KHDRBS2: variants seen among roughly 807,000 people sequenced by gnomAD.
KHDRBS2 encodes the protein KH domain-containing, RNA-binding, signal transduction-associated protein 2.
A neutral mutation model predicts 44.3 loss-of-function variants in KHDRBS2; 26 were observed. The ratio of observed to expected loss-of-function variants is 0.59; its 90% CI spans 0.43 to 0.81. The LOEUF (loss-of-function observed/expected upper bound fraction) is 0.81, where lower values mean the gene tolerates loss of function less well. KHDRBS2 is among the 40% of genes least tolerant of loss of function. The probability of loss-of-function intolerance (pLI) is 0.00; values close to 1 mark genes in which losing one functional copy is unlikely to be tolerated. For missense variants in KHDRBS2, 476 were observed against 433.1 expected (o/e 1.10, Z -0.88); for synonymous variants, 194 against 151.1 (o/e 1.28, Z -2.08).
chr6:61,826,127 C>G (rs1374034050), intron 6 of KHDRBS2, among the ~76,000 whole-genome samples: 7 of 152,046 alleles, frequency 4.6e-5, no homozygotes, highest in East Asian at 3.9e-4. Flanking sequence ...GTCCTTGGAC[C>G]TGGTCTTCAT....
At chr6:61,840,898 T>G (rs1005057040) in intron 6 of KHDRBS2, among the ~76,000 whole-genome samples, 1 of 152,148 alleles carries the variant, frequency 6.6e-6, no homozygotes, top group African/African-American at 2.4e-5. Flanking sequence ...TAAATGGAAA[T>G]GGAGACATGC....
intron 6 of KHDRBS2, among the ~76,000 whole-genome samples, chr6:61,825,245 C>G (rs1209898730): frequency 6.6e-6 from 1 of 152,148 alleles, no homozygotes; most frequent in Non-Finnish European, 1.5e-5. Context: ...GAATTGTCAT[C>G]TGACAAAGTG....
intron 6 of KHDRBS2, among the ~76,000 whole-genome samples, chr6:61,811,914 T>A (rs1415406423): frequency 6.6e-6 from 1 of 152,110 alleles, no homozygotes; most frequent in African/African-American, 2.4e-5. Context: ...TGTGATTTAA[T>A]CAAAAGTTGT....
chr6:62,110,597 G>C (rs1349686309), intron 2 of KHDRBS2, among the ~76,000 whole-genome samples: 1 of 152,052 alleles, frequency 6.6e-6, no homozygotes, highest in Non-Finnish European at 1.5e-5. Flanking sequence ...CTCCTCCAGA[G>C]TCCTCTCTCC....
At chr6:61,777,718 A>G (rs1403432212) in intron 6 of KHDRBS2, among the ~76,000 whole-genome samples, 1 of 152,158 alleles carries the variant, frequency 6.6e-6, no homozygotes, top group Non-Finnish European at 1.5e-5. Flanking sequence ...AGTTTGGGAA[A>G]GAGCATAAAA....
chr6:61,591,348 T>C, the KHDRBS2 span, among the ~76,000 whole-genome samples: 2 of 152,154 alleles, frequency 1.3e-5, no homozygotes, highest in Admixed American at 6.5e-5. Context: ...GGAGAAGCTA[T>C]ATAGAATGTC....
At chr6:61,713,786 T>C (rs1427490791) in intron 7 of KHDRBS2, among the ~76,000 whole-genome samples, 6 of 151,536 alleles carry the variant, frequency 4.0e-5, no homozygotes, top group Admixed American at 6.6e-5. Flanking sequence ...CAATATAGAC[T>C]GGGGAAAGAA....
chr6:61,554,533 C>A, the KHDRBS2 span, among the ~76,000 whole-genome samples: 1 of 152,038 alleles, frequency 6.6e-6, no homozygotes, highest in Non-Finnish European at 1.5e-5. Flanking sequence ...TTGACATGTG[C>A]AAATTTCTTC....
At chr6:61,633,512 C>T in the KHDRBS2 span, among the ~76,000 whole-genome samples, 32 of 152,120 alleles carry the variant, frequency 2.1e-4, no homozygotes, top group African/African-American at 7.5e-4. Context: ...AATACAAAAT[C>T]TGCAATCTGG....
chr6:61,595,467 C>A, the KHDRBS2 span, among the ~76,000 whole-genome samples: 1 of 152,056 alleles, frequency 6.6e-6, no homozygotes, highest in Non-Finnish European at 1.5e-5. Flanking sequence ...CGCTGAGAAA[C>A]AAAACTATTT....
chr6:62,228,738 T>C (rs553925680), intron 1 of KHDRBS2, among the ~76,000 whole-genome samples: 2 of 152,160 alleles, frequency 1.3e-5, no homozygotes, highest in African/African-American at 4.8e-5. Flanking sequence ...TGTCTCTTTG[T>C]TCTCATTGGT....
At chr6:61,682,614 A>G (rs774584466) in intron 8 of KHDRBS2, among the ~76,000 whole-genome samples, 1 of 151,884 alleles carries the variant, frequency 6.6e-6, no homozygotes, top group Non-Finnish European at 1.5e-5. Flanking sequence ...AGTAACTGTG[A>G]TAGAGATTAT....
At chr6:62,083,318 C>A (rs752087592) in intron 2 of KHDRBS2, among the ~76,000 whole-genome samples, 1 of 152,104 alleles carries the variant, frequency 6.6e-6, no homozygotes, top group Non-Finnish European at 1.5e-5. Context: ...CAGGGGAAAA[C>A]CACCGTCCTA....
intron 2 of KHDRBS2, among the ~76,000 whole-genome samples, chr6:62,089,506 C>T (rs1324352418): frequency 6.6e-6 from 1 of 152,124 alleles, no homozygotes; most frequent in Non-Finnish European, 1.5e-5. Flanking sequence ...TTGCACTTTT[C>T]AGGTGAGGTG....
intron 1 of KHDRBS2, among the ~76,000 whole-genome samples, chr6:62,189,031 C>G (rs779363726): frequency 1.3e-5 from 2 of 152,040 alleles, no homozygotes; most frequent in Non-Finnish European, 2.9e-5. Context: ...AGGAGAATTG[C>G]TTGAACACGG....
the KHDRBS2 span, among the ~76,000 whole-genome samples, chr6:61,560,817 G>A: frequency 1.3e-5 from 2 of 152,240 alleles, no homozygotes; most frequent in East Asian, 1.9e-4. Flanking sequence ...TGTCTCTCAT[G>A]CTTTATTAAG....
rs1454018151 is a variant in KHDRBS2 at position 62,169,210 on chromosome 6, T to TATACATATACATATATGTATATATAC, written c.219+7974_219+7975insGTATATATACATATATGTATATGTAT. ...ATACGTATACATATATGTATATATA[T>TATACATATACATATATGTATATATAC]GTATATATACACACACACATATATA... On this transcript the variant is annotated intron_variant, in intron 2 of 8. Coordinates refer to ENST00000281156, the MANE Select transcript of KHDRBS2 (RefSeq NM_152688.4). Among the ~76,000 whole-genome samples, 146 of 145,664 alleles carry TATACATATACATATATGTATATATAC rather than the reference T, an allele frequency of 1.0e-3. 3 individuals are homozygous for TATACATATACATATATGTATATATAC. Among genetic ancestry groups the TATACATATACATATATGTATATATAC allele is most frequent in the Non-Finnish European group, 2.1e-4 (14 of 66,666 alleles).
chr6:61,896,713 A>C (rs1458896185), intron 5 of KHDRBS2, among the ~76,000 whole-genome samples: 1 of 152,058 alleles, frequency 6.6e-6, no homozygotes, highest in East Asian at 1.9e-4. Context: ...TTTCTGTTTA[A>C]TTCTTTACTT....
Position 62,139,552 on chromosome 6 carries a change from CA to C in KHDRBS2, c.219+37632del, listed in dbSNP as rs945441082. Among the ~76,000 whole-genome samples the C allele has an allele frequency of 2.5e-4, 17 of 67,686 alleles. 1 individual carries two copies. The highest frequency in any genetic ancestry group is 1.1e-3 in the Admixed American group (9 of 8,358). 44.4% of individuals were successfully genotyped at this position (67,686 alleles called of 152,430 possible). A position where few individuals can be genotyped will look rare whatever the true frequency, so the allele number is the denominator to read the frequency against. On this transcript the variant is annotated intron_variant, in intron 2 of 8. Coordinates refer to ENST00000281156, the MANE Select transcript of KHDRBS2 (RefSeq NM_152688.4). The stretch of plus-strand genomic sequence containing the variant: ...TGGGTGACAGAGTAAGACTCCGCCT[CA>C]AAAAAAAAATAAAAAGAAATTTATA...
Sources: gnomAD v4.1 joint callset for allele counts (sites outside exome capture counted in the v4.1 genomes callset) on GRCh38, gnomAD v4.1.1 for gene constraint, MANE v1.5 for transcripts, NCBI Gene and HGNC (gene_info 2026-07-23, HGNC 2026-07-21) for gene names.